The following CDH13 variants were observed in gnomAD, a reference collection of about 807,000 sequenced individuals.
CDH13 encodes cadherin 13, also known as cadherin-13.
Under a neutral mutation model 63.8 loss-of-function variants are expected in CDH13, and 24 were observed. That is an observed-to-expected ratio of 0.38 (90% CI 0.27 to 0.53). The LOEUF (loss-of-function observed/expected upper bound fraction) is 0.53. Ranked by LOEUF, CDH13 falls within the 20% of genes least tolerant of loss-of-function variation. The pLI is 0.85. For missense variants in CDH13, 1,049 were observed against 903.1 expected (o/e 1.16, Z -2.07); for synonymous variants, 503 against 355.3 (o/e 1.42, Z -4.67).
chr16:83,454,607 G>C (rs2072972128), intron 6 of CDH13, among the ~76,000 whole-genome samples: 1 of 151,998 alleles, frequency 6.6e-6, no homozygotes, highest in Non-Finnish European at 1.5e-5. Flanking sequence ...TAATTTATTT[G>C]GCCATTTTCC....
rs115777927 is a variant in CDH13, at chr16:83,249,957, T to G, written c.636+32460T>G. On this transcript the variant is annotated intron_variant, in intron 5 of 13. Transcript: ENST00000567109. ...CTTTCTACAAATGTTTGACTAACAATCTCCCCAAAATAGCCCTATTGGTAA... is the reference window on the plus strand; with the variant it reads ...CTTTCTACAAATGTTTGACTAACAAGCTCCCCAAAATAGCCCTATTGGTAA... Among the ~76,000 whole-genome samples the G allele has an allele frequency of 3.8e-3, 573 of 152,302 alleles. 7 individuals carry two copies. The highest frequency in any genetic ancestry group is 0.013 in the African/African-American group (536 of 41,566).
intron 6 of CDH13, among the ~76,000 whole-genome samples, chr16:83,386,118 G>A (rs2091668905): frequency 1.3e-5 from 2 of 152,236 alleles, no homozygotes; most frequent in African/African-American, 4.8e-5. Context: ...TAAGTAGTTA[G>A]AAACATGTCG....
chr16:83,134,252 G>A (rs190468283), intron 4 of CDH13, among the ~76,000 whole-genome samples: 93 of 152,250 alleles, frequency 6.1e-4, no homozygotes, highest in Middle Eastern at 3.4e-3. Context: ...GAGTGCAGTG[G>A]CACAATCTTG....
At chr16:83,552,807 C>T (rs984017460) in intron 7 of CDH13, among the ~76,000 whole-genome samples, 4 of 152,088 alleles carry the variant, frequency 2.6e-5, no homozygotes, top group Non-Finnish European at 4.4e-5. Flanking sequence ...ATTGGCTGGG[C>T]GCAGTGGCTC....
At chr16:83,406,324 C>T (rs1290103252) in intron 6 of CDH13, among the ~76,000 whole-genome samples, 3 of 152,154 alleles carry the variant, frequency 2.0e-5, no homozygotes, top group Admixed American at 1.3e-4. Flanking sequence ...CTGAATCTCC[C>T]ACCATCCTCA....
At chr16:82,926,120 G>A (rs979886259) in intron 2 of CDH13, 2 of 152,130 alleles carry the variant, frequency 1.3e-5, no homozygotes, top group Non-Finnish European at 2.9e-5. Context: ...CTAGGCCAGG[G>A]ATTCCTAACT....
intron 8 of CDH13, among the ~76,000 whole-genome samples, chr16:83,633,764 A>G (rs1168117745): frequency 6.6e-6 from 1 of 152,162 alleles, no homozygotes; most frequent in African/African-American, 2.4e-5. Context: ...CGTTTGAATT[A>G]GGGTTCTGGG....
intron 6 of CDH13, among the ~76,000 whole-genome samples, chr16:83,373,720 A>G (rs935417310): frequency 1.3e-5 from 2 of 152,302 alleles, no homozygotes. Context: ...TTGGATTTGA[A>G]TCTCCGCTTT....
intron 10 of CDH13, chr16:83,717,168 G>A (rs1162037734): frequency 1.3e-5 from 2 of 152,346 alleles, no homozygotes; most frequent in African/African-American, 4.8e-5. Flanking sequence ...GCTGAGGCAG[G>A]AGAATTGCTT....
At chr16:83,493,655 C>T (rs569908124) in intron 7 of CDH13, among the ~76,000 whole-genome samples, 1 of 152,264 alleles carries the variant, frequency 6.6e-6, no homozygotes, top group Non-Finnish European at 1.5e-5. Flanking sequence ...AGAGAGATAC[C>T]AGAAAAGGGC....
At chr16:82,947,454 A>G (rs1904856800) in intron 2 of CDH13, among the ~76,000 whole-genome samples, 1 of 152,186 alleles carries the variant, frequency 6.6e-6, no homozygotes, top group African/African-American at 2.4e-5. Context: ...GATATTATCC[A>G]TACTTCTGTG....
chr16:83,650,544 G>C (rs1912273977), intron 8 of CDH13, among the ~76,000 whole-genome samples: 1 of 152,178 alleles, frequency 6.6e-6, no homozygotes. Flanking sequence ...CTCAACCCCA[G>C]AGGGTTTTCC....
At chr16:82,962,957 G>A (rs1409871319) in intron 2 of CDH13, among the ~76,000 whole-genome samples, 1 of 152,040 alleles carries the variant, frequency 6.6e-6, no homozygotes, top group African/African-American at 2.4e-5. Context: ...TTAGTAAAAG[G>A]TGTAATTATT....
intron 2 of CDH13, among the ~76,000 whole-genome samples, chr16:82,863,845 A>T (rs761004427): frequency 5.3e-5 from 8 of 152,198 alleles, no homozygotes; most frequent in Non-Finnish European, 1.0e-4. Context: ...TTTGAACTTC[A>T]TGGACCAGTA....
At chr16:83,457,492 G>C (rs978214559) in intron 6 of CDH13, among the ~76,000 whole-genome samples, 29 of 152,074 alleles carry the variant, frequency 1.9e-4, no homozygotes, top group Non-Finnish European at 1.0e-4. Context: ...GATTGTGTGT[G>C]TCTGCCACCC....
At position 83,030,640 on chromosome 16, in the gene CDH13, TAAAAA is replaced by T. The variant is rs35207887; in HGVS notation, c.158-1351_158-1347del. ...TCTGGATGACAGAGCAAGACTCTGT[TAAAAA>T]AAAAAAAAAAAAAAAAAAGCACCCT... On this transcript the variant is annotated intron_variant, in intron 2 of 13. Coordinates refer to ENST00000567109, the MANE Select transcript of CDH13 (RefSeq NM_001257.5). Among the ~76,000 whole-genome samples the T allele has an allele frequency of 2.6e-4, 24 of 92,898 alleles. 1 individual carries two copies. Among genetic ancestry groups the T allele is most frequent in the Non-Finnish European group, 3.5e-4 (18 of 50,790 alleles). 60.9% of individuals were successfully genotyped at this position (92,898 alleles called of 152,430 possible).
At chr16:83,128,951 T>C (rs573879529) in intron 4 of CDH13, among the ~76,000 whole-genome samples, 1 of 152,242 alleles carries the variant, frequency 6.6e-6, no homozygotes, top group African/African-American at 2.4e-5. Context: ...CTAGATGTTT[T>C]TTGTAGAATT....
chr16:82,887,014 A>G (rs1242117980), intron 2 of CDH13, among the ~76,000 whole-genome samples: 1 of 152,140 alleles, frequency 6.6e-6, no homozygotes, highest in Non-Finnish European at 1.5e-5. Context: ...ACTTGTGCTT[A>G]TTAGATAGGT....
chr16:83,116,941 A>T (rs1265351807), intron 3 of CDH13, among the ~76,000 whole-genome samples: 1 of 152,172 alleles, frequency 6.6e-6, no homozygotes, highest in African/African-American at 2.4e-5. Flanking sequence ...AGTGCAGACC[A>T]CTTTCACATG....
Sources: allele counts gnomAD v4.1 joint callset (sites outside exome capture counted in the v4.1 genomes callset), GRCh38; gene constraint gnomAD v4.1.1; transcripts MANE v1.5; gene names NCBI Gene and HGNC (gene_info 2026-07-23, HGNC 2026-07-21).